CPPED1: variants seen among roughly 807,000 people sequenced by gnomAD.
CPPED1 encodes serine/threonine-protein phosphatase CPPED1.
Under a neutral mutation model 28.0 loss-of-function variants are expected in CPPED1, and 28 were observed. That is an observed-to-expected ratio of 1.00 (90% CI 0.74 to 1.37). CPPED1 has a LOEUF of 1.37. Ranked by LOEUF, CPPED1 falls within the 40% of genes most tolerant of loss-of-function variation. The pLI is 0.00. For missense variants in CPPED1, 504 were observed against 416.5 expected, an observed-to-expected ratio of 1.21 and a Z score of -1.83; for synonymous variants, 198 against 180.2, an observed-to-expected ratio of 1.10 and a Z score of -0.79.
chr16:12,663,358 G>C lies in CPPED1; in HGVS notation c.*1528C>G, dbSNP rs1322261702. 1 of 152,220 alleles carries C rather than the reference G, an allele frequency of 6.6e-6. No homozygotes were observed. The highest frequency in any genetic ancestry group is 1.5e-5 in the Non-Finnish European group (1 of 68,096). The allele number at this position is 152,220 out of a possible 1,614,324, so 9.4% of individuals were successfully genotyped here. On this transcript the variant is annotated 3_prime_UTR_variant, in exon 4 of 4. Transcript: ENST00000381774. ...TTACAGGCGTAAGCCACTGTGCCTG[G>C]CCCAATGTGTGGTTGTTATTAGCTA... is the stretch of plus-strand genomic sequence containing the variant.
chr16:12,679,160 C>G (rs1352100256), intron 3 of CPPED1, among the ~76,000 whole-genome samples: 1 of 152,148 alleles, frequency 6.6e-6, no homozygotes, highest in Non-Finnish European at 1.5e-5. Flanking sequence ...TTTGTTTATC[C>G]AGAACTTCTG....
At chr16:12,718,194 G>A (rs186528297) in intron 2 of CPPED1, among the ~76,000 whole-genome samples, 4 of 152,200 alleles carry the variant, frequency 2.6e-5, no homozygotes, top group South Asian at 2.1e-4. Context: ...CAGTGAGTCA[G>A]CTTGGCCACG....
At chr16:12,668,048 T>A (rs2079834770) in intron 3 of CPPED1, among the ~76,000 whole-genome samples, 1 of 152,038 alleles carries the variant, frequency 6.6e-6, no homozygotes, top group Admixed American at 6.6e-5. Flanking sequence ...AATAACAGAA[T>A]CAAAGAGTAA....
chr16:12,750,608 T>TAA (rs1359566423), intron 2 of CPPED1, among the ~76,000 whole-genome samples: 1 of 151,964 alleles, frequency 6.6e-6, no homozygotes, highest in African/African-American at 2.4e-5. Flanking sequence ...ATAACAGATA[T>TAA]AGTAAAGAAG....
At chr16:12,727,369 T>C (rs1268575742) in intron 2 of CPPED1, among the ~76,000 whole-genome samples, 2 of 152,184 alleles carry the variant, frequency 1.3e-5, no homozygotes, top group Non-Finnish European at 2.9e-5. Flanking sequence ...TCTTTGTTTG[T>C]TGAGATACAA....
chr16:12,664,877 G>A lies in CPPED1; in HGVS notation c.*9C>T. ...GCAAGTGAAAAGTGAACGGGAACGG[G>A]AAGGAGCGTCATTTTTTCTTGATCA... On this transcript the variant is annotated 3_prime_UTR_variant, in exon 4 of 4. Coordinates refer to ENST00000381774, the MANE Select transcript of CPPED1 (RefSeq NM_018340.3). The surrounding 1 kb of genome is among the most constrained non-coding windows in gnomAD (Gnocchi z 4.2). 6.2e-7 allele frequency: 1 copy of A among 1,608,588 alleles called. No homozygotes were observed. Among genetic ancestry groups the A allele is most frequent in the Non-Finnish European group, 8.5e-7 (1 of 1,178,166 alleles).
chr16:12,797,259 A>G (rs1323969102), intron 1 of CPPED1, among the ~76,000 whole-genome samples: 1 of 152,182 alleles, frequency 6.6e-6, no homozygotes, highest in East Asian at 1.9e-4. Flanking sequence ...AAAGTTATTA[A>G]AAAAATTTAG....
At chr16:12,752,911 TATAA>T (rs1188236016) in intron 2 of CPPED1, 5 of 149,140 alleles carry the variant, frequency 3.4e-5, no homozygotes, top group African/African-American at 1.2e-4. Context: ...TTATATAATA[TATAA>T]ATATGTCAAT....
At chr16:12,770,860 G>C (rs923794686) in intron 2 of CPPED1, among the ~76,000 whole-genome samples, 2 of 93,878 alleles carry the variant, frequency 2.1e-5, no homozygotes, top group African/African-American at 7.0e-5. Flanking sequence ...GAAAGGGAGA[G>C]AAGGAAAGGA....
chr16:12,673,525 G>T lies in CPPED1; in HGVS notation c.716-8410C>A, dbSNP rs187676564. ...TTATGTTTAAGTTTCACACCATATT[G>T]AGTGGCATTAACAGAGAGGGGAGCA... On this transcript the variant is annotated intron_variant, in intron 3 of 3. Transcript: ENST00000381774. Among the ~76,000 whole-genome samples the T allele has an allele frequency of 1.6e-3, 248 of 152,244 alleles. 2 individuals are homozygous for T. The highest frequency in any genetic ancestry group is 2.1e-3 in the Admixed American group (32 of 15,298).
intron 1 of CPPED1, among the ~76,000 whole-genome samples, chr16:12,792,205 A>G (rs2141244988): frequency 6.6e-6 from 1 of 152,200 alleles, no homozygotes; most frequent in South Asian, 2.1e-4. Flanking sequence ...CACTTGCCTC[A>G]GCCTCCCAAA....
At chr16:12,750,590 A>T (rs1221482767) in intron 2 of CPPED1, among the ~76,000 whole-genome samples, 1 of 152,220 alleles carries the variant, frequency 6.6e-6, no homozygotes, top group Non-Finnish European at 1.5e-5. Context: ...CACCGATCAC[A>T]GATCACCATA....
chr16:12,734,268 C>T lies in CPPED1; in HGVS notation c.290-29219G>A, dbSNP rs139076920. 7.1e-3 allele frequency among the ~76,000 whole-genome samples: 1,082 copies of T among 151,956 alleles called. 15 individuals carry two copies. Among genetic ancestry groups the T allele is most frequent in the African/African-American group, 0.024 (1,011 of 41,394 alleles). On this transcript the variant is annotated intron_variant, in intron 2 of 3. Transcript: ENST00000381774. ...TATATTTAGTAGAAACGGGGCTTTG[C>T]GATGTTGGCCAGCCTGATCTCGAAC...
chr16:12,767,206 G>C (rs1406889532), intron 2 of CPPED1, among the ~76,000 whole-genome samples: 1 of 152,124 alleles, frequency 6.6e-6, no homozygotes, highest in African/African-American at 2.4e-5. Flanking sequence ...GAAACTGATG[G>C]TGTTAGTGCT....
chr16:12,727,964 T>A (rs1287656789), intron 2 of CPPED1, among the ~76,000 whole-genome samples: 1 of 152,254 alleles, frequency 6.6e-6, no homozygotes, highest in Non-Finnish European at 1.5e-5. Flanking sequence ...GATCACGTTA[T>A]AACTGATGGT....
intron 1 of CPPED1, 122 bp downstream of exon 1, chr16:12,803,585 C>A: frequency 1.2e-6 from 1 of 865,756 alleles, no homozygotes; most frequent in African/African-American, 1.8e-5. Context: ...TGGCGGCTCC[C>A]AGGCCCCGGT....
chr16:12,715,672 A>T (rs1295846182), intron 2 of CPPED1, among the ~76,000 whole-genome samples: 3 of 152,152 alleles, frequency 2.0e-5, no homozygotes, highest in Non-Finnish European at 4.4e-5. Context: ...ACAAACAAAA[A>T]AAGCTAAGCT....
intron 2 of CPPED1, among the ~76,000 whole-genome samples, chr16:12,712,994 C>T (rs1352918668): frequency 6.6e-6 from 1 of 151,716 alleles, no homozygotes; most frequent in Non-Finnish European, 1.5e-5. Flanking sequence ...AAAATGGGAA[C>T]AAATGTAAAA....
chr16:12,665,033 G>A lies in CPPED1; in HGVS notation c.798C>T (p.Ala266=), dbSNP rs779785824. 1 of 1,610,028 alleles carries A rather than the reference G, an allele frequency of 6.2e-7. No individual in the cohort carries two copies. Among genetic ancestry groups the A allele is most frequent in the Non-Finnish European group, 8.5e-7 (1 of 1,178,758 alleles). The change falls in exon 4 of 4, where the codon GCC becomes GCT. Residue 266 remains alanine (A), a synonymous_variant. Coordinates refer to ENST00000381774, the MANE Select transcript of CPPED1 (RefSeq NM_018340.3). ...GGTCTCTGCCCAGCTGGCATCCAAT[G>A]GCAGATGACACCACCATGTCGAGGT... ...YQNLDMVVSS[A]IGCQLGRDPH...
Sources: gnomAD v4.1 joint callset for allele counts (sites outside exome capture counted in the v4.1 genomes callset) on GRCh38, gnomAD v4.1.1 for gene constraint, Gnocchi (gnomAD v3.1) non-coding constraint, MANE v1.5 for transcripts, NCBI Gene and HGNC (gene_info 2026-07-23, HGNC 2026-07-21) for gene names.